Variants in CFAP61 observed in about 807,000 individuals in gnomAD.
The protein encoded by CFAP61 is cilia- and flagella-associated protein 61.
Under a neutral mutation model 135.6 loss-of-function variants are expected in CFAP61, and 107 were observed. That is an observed-to-expected ratio of 0.79 (90% confidence interval 0.67 to 0.93). CFAP61 has a LOEUF of 0.93. Ranked by LOEUF, CFAP61 falls within the 40% of genes least tolerant of loss-of-function variation. The pLI is 0.00. For missense variants in CFAP61, 1,507 were observed against 1,556.2 expected, an observed-to-expected ratio of 0.97 and a Z score of 0.53; for synonymous variants, 575 against 578.5, an observed-to-expected ratio of 0.99 and a Z score of 0.09.
chr20:20,253,583 A>C, intron 20 of CFAP61: 1 of 492,352 alleles, frequency 2.0e-6, no homozygotes, highest in South Asian at 1.5e-5. Flanking sequence ...TGTGCAGCAA[A>C]CATTCAGCAC....
intron 21 of CFAP61, among the ~76,000 whole-genome samples, chr20:20,263,628 C>G (rs899241419): frequency 6.6e-6 from 1 of 151,900 alleles, no homozygotes; most frequent in Non-Finnish European, 1.5e-5. Flanking sequence ...CTTTTTAAAT[C>G]GAAATGAAAA....
At chr20:20,161,508 C>T (rs2053402300) in intron 10 of CFAP61, among the ~76,000 whole-genome samples, 1 of 152,204 alleles carries the variant, frequency 6.6e-6, no homozygotes, top group Non-Finnish European at 1.5e-5. Context: ...TGGCTTAGCA[C>T]AGCTGAGGAA....
chr20:20,352,967 T>A (rs1352953651), intron 26 of CFAP61, among the ~76,000 whole-genome samples: 1 of 152,134 alleles, frequency 6.6e-6, no homozygotes, highest in Non-Finnish European at 1.5e-5. Flanking sequence ...CAATTTTGGC[T>A]AATATCCAAA....
intron 25 of CFAP61, among the ~76,000 whole-genome samples, chr20:20,300,435 A>T (rs945575910): frequency 3.3e-5 from 5 of 152,166 alleles, no homozygotes; most frequent in Non-Finnish European, 5.9e-5. Flanking sequence ...GAAGACAGTG[A>T]TATTGATGAT....
At chr20:20,288,100 A>T (rs1251275115) in intron 22 of CFAP61, among the ~76,000 whole-genome samples, 1 of 147,044 alleles carries the variant, frequency 6.8e-6, no homozygotes, top group African/African-American at 2.5e-5. Context: ...TGAAGCATCC[A>T]TCTTCTCTGG....
rs542371494 is a variant in CFAP61 at position 20,213,160 on chromosome 20, C to T, written c.1932+13258C>T. Reference sequence around the variant, plus strand: ...TCCAGAAGGCTCTGCTGCCTGTGAGCCCCTCCTCTGAAAGACACGCCTCCA... The same window carrying T: ...TCCAGAAGGCTCTGCTGCCTGTGAGTCCCTCCTCTGAAAGACACGCCTCCA... On this transcript the variant is annotated intron_variant, in intron 17 of 26. Transcript: ENST00000245957. Among the ~76,000 whole-genome samples, 62 of 152,306 alleles carry T rather than the reference C, an allele frequency of 4.1e-4. 1 individual carries two copies. In the South Asian group the frequency reaches 6.6e-3, roughly 16 times the overall value.
chr20:20,238,715 T>A lies in CFAP61; in HGVS notation c.2061-7402T>A, dbSNP rs538318028. ...CAATAAATGGGCAATGTGACCCTCT[T>A]TATTTGAAGGATAAGGATGTTTAGA... On this transcript the variant is annotated intron_variant, in intron 18 of 26. Coordinates refer to ENST00000245957, the MANE Select transcript of CFAP61 (RefSeq NM_015585.4). Among the ~76,000 whole-genome samples the A allele has an allele frequency of 2.6e-5, 4 of 152,314 alleles. 1 individual carries two copies. In the South Asian group the frequency reaches 8.3e-4, roughly 32 times the overall value.
At chr20:20,190,045 A>T (rs1259582078) in intron 14 of CFAP61, among the ~76,000 whole-genome samples, 1 of 152,214 alleles carries the variant, frequency 6.6e-6, no homozygotes, top group African/African-American at 2.4e-5. Flanking sequence ...TCAGCCTCTC[A>T]AAGTGCTGGG....
At chr20:20,307,511 G>A (rs1234589682) in intron 25 of CFAP61, among the ~76,000 whole-genome samples, 1 of 152,106 alleles carries the variant, frequency 6.6e-6, no homozygotes, top group African/African-American at 2.4e-5. Context: ...ATCCTTTATG[G>A]AGAGACAGAA....
intron 21 of CFAP61, among the ~76,000 whole-genome samples, chr20:20,266,090 G>T (rs530236781): frequency 4.0e-4 from 61 of 152,306 alleles, no homozygotes; most frequent in African/African-American, 1.3e-3. Flanking sequence ...AGGAGGCCTC[G>T]AGGTAGAGCC....
chr20:20,339,252 T>C (rs962198768), intron 25 of CFAP61, among the ~76,000 whole-genome samples: 2 of 152,168 alleles, frequency 1.3e-5, no homozygotes, highest in African/African-American at 4.8e-5. Flanking sequence ...ATATTTTTTA[T>C]TTTTAAAATT....
At position 20,236,781 on chromosome 20, in the gene CFAP61, T is replaced by C. The variant is rs1601555497; in HGVS notation, c.2060+8405T>C. Reference sequence around the variant, plus strand: ...CCCACTGGATTTTGAATTCCCATAATGTTCCATGATTCCATCCTTAAGGAA... The same window carrying C: ...CCCACTGGATTTTGAATTCCCATAACGTTCCATGATTCCATCCTTAAGGAA... On this transcript the variant is annotated intron_variant, in intron 18 of 26. Coordinates refer to ENST00000245957, the MANE Select transcript of CFAP61 (RefSeq NM_015585.4). Among the ~76,000 whole-genome samples, 3 of 152,342 alleles carry C rather than the reference T, an allele frequency of 2.0e-5. No homozygotes were observed. In the East Asian group the frequency reaches 5.8e-4, roughly 29 times the overall value.
rs180901473 is a variant in CFAP61 at position 20,233,587 on chromosome 20, G to A, written c.2060+5211G>A. On this transcript the variant is annotated intron_variant, in intron 18 of 26. Transcript: ENST00000245957. Reference sequence around the variant, plus strand: ...CAGAGCAGAGGGGACGGTGGAAGGAGCTTTACCTGCCAGGCTCAGAGTCTC... The same window carrying A: ...CAGAGCAGAGGGGACGGTGGAAGGAACTTTACCTGCCAGGCTCAGAGTCTC... Among the ~76,000 whole-genome samples the A allele has an allele frequency of 2.3e-3, 353 of 152,282 alleles. 2 individuals are homozygous for A. The highest frequency in any genetic ancestry group is 8.1e-3 in the African/African-American group (335 of 41,560).
At chr20:20,230,245 T>G (rs768700336) in intron 18 of CFAP61, among the ~76,000 whole-genome samples, 2 of 152,236 alleles carry the variant, frequency 1.3e-5, no homozygotes, top group Non-Finnish European at 2.9e-5. Context: ...CTCATAATTC[T>G]CTATCATCAT....
chr20:20,133,906 C>G (rs987200674), intron 8 of CFAP61, among the ~76,000 whole-genome samples: 2 of 152,190 alleles, frequency 1.3e-5, no homozygotes, highest in Non-Finnish European at 2.9e-5. Flanking sequence ...AGCCCTTTGT[C>G]CTTTCATGCA....
At chr20:20,342,529 A>G (rs1251191366) in intron 26 of CFAP61, among the ~76,000 whole-genome samples, 2 of 152,214 alleles carry the variant, frequency 1.3e-5, no homozygotes, top group African/African-American at 4.8e-5. Flanking sequence ...AGAACTGTGG[A>G]ACGTTAAGAG....
At chr20:20,203,170 G>T (rs570958406) in intron 17 of CFAP61, among the ~76,000 whole-genome samples, 1 of 152,132 alleles carries the variant, frequency 6.6e-6, no homozygotes, top group African/African-American at 2.4e-5. Context: ...CCCGCAGCAG[G>T]TCATAAAAAA....
intron 25 of CFAP61, among the ~76,000 whole-genome samples, chr20:20,336,227 G>T (rs779027931): frequency 2.6e-5 from 4 of 152,162 alleles, no homozygotes; most frequent in African/African-American, 9.7e-5. Flanking sequence ...TGATGGATTT[G>T]TTCCAACAGG....
intron 20 of CFAP61, among the ~76,000 whole-genome samples, chr20:20,261,219 G>A (rs113384690): frequency 0.013 from 1,965 of 152,158 alleles, 38 homozygotes; most frequent in African/African-American, 0.044. Flanking sequence ...AATACATCAC[G>A]GCAATGTACT....
Sources: allele counts gnomAD v4.1 joint callset (sites outside exome capture counted in the v4.1 genomes callset), GRCh38; gene constraint gnomAD v4.1.1; transcripts MANE v1.5; gene names NCBI Gene and HGNC (gene_info 2026-07-23, HGNC 2026-07-21).